The following GRIA1 variants were observed in gnomAD, a reference collection of about 807,000 sequenced individuals.
GRIA1 encodes the protein glutamate ionotropic receptor AMPA type subunit 1.
In GRIA1, 31 loss-of-function variants were observed where a neutral mutation model predicts 99.2. The ratio of observed to expected loss-of-function variants is 0.31; its 90% confidence interval spans 0.23 to 0.42. The LOEUF is 0.42. Among genes scored for constraint, GRIA1 ranks in the 10% least tolerant of loss-of-function variants. GRIA1 has a pLI of 1.00. For synonymous variants in GRIA1, 438 were observed against 432.4 expected (o/e 1.01, Z -0.16); for missense variants, 782 against 1,157.5 (o/e 0.68, Z 4.71).
intron 12 of GRIA1, among the ~76,000 whole-genome samples, chr5:153,765,224 A>C (rs754532140): frequency 3.3e-5 from 5 of 152,194 alleles, no homozygotes; most frequent in Non-Finnish European, 7.3e-5. Flanking sequence ...ACAGCCTTCA[A>C]GTTCAGCAGA....
chr5:153,701,565 G>C (rs1301896843), intron 10 of GRIA1, among the ~76,000 whole-genome samples: 1 of 139,604 alleles, frequency 7.2e-6, no homozygotes, highest in African/African-American at 2.7e-5. Context: ...AGCTTGCAAT[G>C]AGCCAAGATG....
intron 2 of GRIA1, among the ~76,000 whole-genome samples, chr5:153,572,438 G>T (rs959693295): frequency 6.6e-6 from 1 of 152,184 alleles, no homozygotes; most frequent in African/African-American, 2.4e-5. Flanking sequence ...GAAGGAGAGA[G>T]TTACTTTACC....
intron 11 of GRIA1, among the ~76,000 whole-genome samples, chr5:153,708,664 G>A (rs1759090535): frequency 6.6e-6 from 1 of 152,210 alleles, no homozygotes; most frequent in African/African-American, 2.4e-5. Context: ...TTTTAACTTG[G>A]ATTTTGTCTA....
intron 2 of GRIA1, among the ~76,000 whole-genome samples, chr5:153,612,136 T>A (rs1766044983): frequency 6.6e-6 from 1 of 152,248 alleles, no homozygotes; most frequent in Non-Finnish European, 1.5e-5. Context: ...TAAATATTGA[T>A]TCCTATTTCC....
rs1465535379 is a variant in GRIA1 at position 153,811,212 on chromosome 5, C to A, written c.2708C>A (p.Ala903Asp). 6.2e-7 allele frequency: 1 copy of A among 1,613,740 alleles called. No individual in the cohort carries two copies. Among genetic ancestry groups the A allele is most frequent in the East Asian group, 2.2e-5 (1 of 44,840 alleles). Residue 903 changes from alanine to aspartate, a missense_variant, in exon 16 of 16, where the codon GCC (alanine) becomes GAC (aspartate). Around this residue, in one of 5 missense-constraint regions of GRIA1, gnomAD observed 76 missense variants for 81.2 expected, o/e 0.94. Coordinates refer to ENST00000285900, the MANE Select transcript of GRIA1 (RefSeq NM_000827.4). ...CACAGTTCAGGGATGCCCTTGGGAG[C>A]CACGGGATTGTAACTGGAGCAGATG... ...MSHSSGMPLGATGL is the reference protein window; with the variant it reads ...MSHSSGMPLGDTGL
chr5:153,606,929 C>CTTACAATA (rs1157852636), intron 2 of GRIA1, among the ~76,000 whole-genome samples: 4 of 103,910 alleles, frequency 3.8e-5, no homozygotes, highest in Non-Finnish European at 8.2e-5. Flanking sequence ...ATTTTCTTTT[C>CTTACAATA]TTACAATACC....
chr5:153,587,424 T>C (rs1208211329), intron 2 of GRIA1, among the ~76,000 whole-genome samples: 1 of 152,096 alleles, frequency 6.6e-6, no homozygotes, highest in African/African-American at 2.4e-5. Context: ...AAATAAATTA[T>C]CCAGTCTCAG....
chr5:153,709,942 A>G (rs912200969), intron 11 of GRIA1, among the ~76,000 whole-genome samples: 2 of 152,214 alleles, frequency 1.3e-5, no homozygotes, highest in African/African-American at 4.8e-5. Flanking sequence ...CACTGTGCCT[A>G]AAATCAATGT....
intron 2 of GRIA1, among the ~76,000 whole-genome samples, chr5:153,597,397 C>T (rs1187929459): frequency 1.3e-5 from 2 of 152,216 alleles, no homozygotes; most frequent in Non-Finnish European, 2.9e-5. Context: ...TAGGGGATCA[C>T]CAAATCTTTT....
chr5:153,531,482 A>G (rs1221356591), intron 2 of GRIA1, among the ~76,000 whole-genome samples: 4 of 152,232 alleles, frequency 2.6e-5, no homozygotes, highest in South Asian at 4.1e-4. Flanking sequence ...AATCTTACAC[A>G]GTTCTTGACA....
chr5:153,512,415 G>A (rs1330930423), intron 2 of GRIA1, among the ~76,000 whole-genome samples: 1 of 152,174 alleles, frequency 6.6e-6, no homozygotes, highest in African/African-American at 2.4e-5. Flanking sequence ...CTTAGACTTG[G>A]ATTTCATCAT....
chr5:153,516,236 G>C (rs1756618043), intron 2 of GRIA1, among the ~76,000 whole-genome samples: 1 of 151,686 alleles, frequency 6.6e-6, no homozygotes, highest in African/African-American at 2.4e-5. Context: ...ATAAAAATAA[G>C]AAATCTACCA....
intron 2 of GRIA1, among the ~76,000 whole-genome samples, chr5:153,603,531 TA>T (rs11399181): frequency 6.6e-6 from 1 of 151,284 alleles, no homozygotes; most frequent in South Asian, 2.1e-4. Flanking sequence ...TAATAATAAT[TA>T]AAAAAAAACA....
chr5:153,697,500 G>T (rs573279407), intron 8 of GRIA1, among the ~76,000 whole-genome samples: 1 of 152,262 alleles, frequency 6.6e-6, no homozygotes, highest in Non-Finnish European at 1.5e-5. Flanking sequence ...ATTCAATATT[G>T]TAATAGTTTA....
At chr5:153,750,897 A>G (rs1298888505) in intron 11 of GRIA1, among the ~76,000 whole-genome samples, 3 of 152,084 alleles carry the variant, frequency 2.0e-5, no homozygotes, top group African/African-American at 7.2e-5. Flanking sequence ...GGAGATCGAG[A>G]CCATCCTGGC....
chr5:153,802,678 G>T (rs1766133480), intron 15 of GRIA1, among the ~76,000 whole-genome samples, 188 bp downstream of exon 15: 1 of 152,146 alleles, frequency 6.6e-6, no homozygotes, highest in African/African-American at 2.4e-5. Context: ...GGAAGATGGG[G>T]TGTGTCAGGC....
intron 2 of GRIA1, among the ~76,000 whole-genome samples, chr5:153,527,327 G>A (rs478962): frequency 0.35 from 53,695 of 152,006 alleles, 9,883 homozygotes; most frequent in African/African-American, 0.46. Flanking sequence ...CAGGATAGGT[G>A]CATCGTGTTA....
intron 12 of GRIA1, among the ~76,000 whole-genome samples, chr5:153,767,571 A>G (rs1763598272): frequency 6.6e-6 from 1 of 152,170 alleles, no homozygotes; most frequent in African/African-American, 2.4e-5. Flanking sequence ...ACCTTGGATA[A>G]TTATCCCACC....
At chr5:153,691,674 T>C (rs1359491118) in intron 8 of GRIA1, among the ~76,000 whole-genome samples, 1 of 152,222 alleles carries the variant, frequency 6.6e-6, no homozygotes, top group African/African-American at 2.4e-5. Flanking sequence ...TTGACCATAC[T>C]GAATCATGTT....
Sources: allele counts gnomAD v4.1 joint callset (sites outside exome capture counted in the v4.1 genomes callset), GRCh38; gene constraint gnomAD v4.1.1; regional missense constraint gnomAD v4.1.1; transcripts MANE v1.5; gene names NCBI Gene and HGNC (gene_info 2026-07-23, HGNC 2026-07-21).